The following SLC9B2 variants were observed in gnomAD, a reference collection of about 807,000 sequenced individuals.
The protein encoded by SLC9B2 is solute carrier family 9 member B2.
In SLC9B2, 39 loss-of-function variants were observed where a neutral mutation model predicts 52.2. That is an observed-to-expected ratio of 0.75 (90% CI 0.58 to 0.98). SLC9B2 has a LOEUF of 0.98. Among genes scored for constraint, SLC9B2 ranks in the 50% least tolerant of loss-of-function variants. The probability of loss-of-function intolerance (pLI) is 0.00; values close to 1 mark genes in which losing one functional copy is unlikely to be tolerated. For synonymous variants in SLC9B2, 214 were observed against 227.0 expected (o/e 0.94, Z 0.51); for missense variants, 626 against 637.5 (o/e 0.98, Z 0.19).
chr4:103,032,060 A>G (rs916937930), intron 9 of SLC9B2, among the ~76,000 whole-genome samples: 2 of 152,106 alleles, frequency 1.3e-5, no homozygotes, highest in African/African-American at 4.8e-5. Flanking sequence ...GATTCTTATA[A>G]AGTAATCTTA....
At chr4:103,067,969 T>C (rs532980225) in intron 1 of SLC9B2, among the ~76,000 whole-genome samples, 1 of 152,358 alleles carries the variant, frequency 6.6e-6, no homozygotes, top group East Asian at 1.9e-4. Flanking sequence ...ATATGAGGAA[T>C]GAGTCACTAA....
chr4:103,044,324 G>A (rs1228079163), intron 8 of SLC9B2, among the ~76,000 whole-genome samples: 1 of 152,238 alleles, frequency 6.6e-6, no homozygotes, highest in Non-Finnish European at 1.5e-5. Flanking sequence ...TGATGGAAAT[G>A]TTCTGTATCT....
At chr4:103,054,108 T>A (rs912357385) in intron 4 of SLC9B2, among the ~76,000 whole-genome samples, 1 of 151,930 alleles carries the variant, frequency 6.6e-6, no homozygotes, top group African/African-American at 2.4e-5. Flanking sequence ...TGAGACCCTG[T>A]CTCTGCAAAA....
chr4:103,050,012 C>CAAA (rs368672958), intron 5 of SLC9B2, among the ~76,000 whole-genome samples: 1 of 80,164 alleles, frequency 1.2e-5, no homozygotes, highest in Non-Finnish European at 2.6e-5. Flanking sequence ...GACTCTGTCT[C>CAAA]AAAAAAAAAA....
chr4:103,037,051 G>T (rs1031676390), intron 9 of SLC9B2, among the ~76,000 whole-genome samples: 1 of 152,030 alleles, frequency 6.6e-6, no homozygotes, highest in Non-Finnish European at 1.5e-5. Flanking sequence ...AAATCCCAAA[G>T]ATGTTCTCAT....
intron 7 of SLC9B2, among the ~76,000 whole-genome samples, chr4:103,046,477 C>A (rs1744131240): frequency 6.6e-6 from 1 of 152,084 alleles, no homozygotes; most frequent in South Asian, 2.1e-4. Context: ...AAACAAAATA[C>A]CTCAATTTCA....
At chr4:103,058,154 G>A (rs1033498576) in intron 3 of SLC9B2, among the ~76,000 whole-genome samples, 183 bp from the exon 4 acceptor site, 4 of 152,060 alleles carry the variant, frequency 2.6e-5, no homozygotes, top group African/African-American at 4.8e-5. Flanking sequence ...TTAAGAAATC[G>A]GATATTACCA....
chr4:103,066,957 T>G (rs1194188610), intron 2 of SLC9B2, among the ~76,000 whole-genome samples: 1 of 151,868 alleles, frequency 6.6e-6, no homozygotes, highest in African/African-American at 2.4e-5. Context: ...GGGTTCCATC[T>G]GCAAGATATC....
At chr4:103,046,743 A>G (rs534742144) in intron 7 of SLC9B2, among the ~76,000 whole-genome samples, 1 of 150,946 alleles carries the variant, frequency 6.6e-6, no homozygotes, top group Admixed American at 6.6e-5. Context: ...AAGTCTCCAC[A>G]CATCTTTTGT....
At position 103,076,646 on chromosome 4, in the gene SLC9B2, A is replaced by T. The variant is rs1747203828; in HGVS notation, c.-505T>A. The T allele has an allele frequency of 6.6e-6, 1 of 152,254 alleles. No homozygotes were observed. The highest frequency in any genetic ancestry group is 2.1e-4 in the South Asian group (1 of 4,834). 9.4% of individuals were successfully genotyped at this position (152,254 alleles called of 1,614,324 possible). ...GCACCGCGCGGTCTTTCAGCTGCTTATCCTCCCTGGGCGGGTCCGCAGGCT... is the reference window on the plus strand; with the variant it reads ...GCACCGCGCGGTCTTTCAGCTGCTTTTCCTCCCTGGGCGGGTCCGCAGGCT... On this transcript the variant is annotated 5_prime_UTR_variant, in exon 1 of 12. Coordinates refer to ENST00000394785, the MANE Select transcript of SLC9B2 (RefSeq NM_178833.7).
At chr4:103,021,078 T>C (rs561329202), downstream of SLC9B2, among the ~76,000 whole-genome samples, 25 of 152,330 alleles carry the variant, frequency 1.6e-4, no homozygotes, top group African/African-American at 5.8e-4. Flanking sequence ...AGGAAATGTT[T>C]TGTACTCACA....
At chr4:103,031,407 AG>A (rs139630821) in intron 10 of SLC9B2, among the ~76,000 whole-genome samples, 289 of 152,272 alleles carry the variant, frequency 1.9e-3, no homozygotes, top group African/African-American at 6.7e-3. Context: ...CCTTGGAAAA[AG>A]AATTGTTAAG....
intron 7 of SLC9B2, among the ~76,000 whole-genome samples, chr4:103,046,672 C>T (rs928389664): frequency 1.3e-5 from 2 of 148,564 alleles, no homozygotes; most frequent in African/African-American, 2.5e-5. Context: ...AGTCTCCACA[C>T]ATCTTTTGTG....
chr4:103,042,629 A>G (rs113491133), intron 9 of SLC9B2, among the ~76,000 whole-genome samples: 2 of 151,508 alleles, frequency 1.3e-5, no homozygotes, highest in African/African-American at 4.8e-5. Flanking sequence ...TATCAGCAAA[A>G]TATCTCAAAG....
At position 103,066,484 on chromosome 4, in the gene SLC9B2, T is replaced by A; in HGVS notation, c.114A>T (p.Lys38Asn). ...EAQEETVMKLKGIDANEPTEG... is the reference protein window; with the variant it reads ...EAQEETVMKLNGIDANEPTEG... The stretch of plus-strand genomic sequence containing the variant: ...CTGTTGGTTCATTTGCATCTATACC[T>A]TTGAGCTTCATAACTGTCTCCTCCT... Residue 38 changes from lysine to asparagine, a missense_variant, in exon 3 of 12, where the codon AAA (lysine) becomes AAT (asparagine). By Grantham distance (94) the Lys-to-Asn change is moderately conservative. Transcript: ENST00000394785. The A allele has an allele frequency of 6.2e-7, 1 of 1,613,930 alleles. No individual in the cohort carries two copies. The highest frequency in any genetic ancestry group is 1.3e-5 in the African/African-American group (1 of 75,046).
At chr4:103,070,732 T>C (rs1439286095) in intron 1 of SLC9B2, among the ~76,000 whole-genome samples, 1 of 152,222 alleles carries the variant, frequency 6.6e-6, no homozygotes, top group Admixed American at 6.5e-5. Context: ...TGAGCCACCA[T>C]GCCCGGCCCT....
intron 3 of SLC9B2, among the ~76,000 whole-genome samples, chr4:103,059,870 T>C (rs78009537): frequency 0.013 from 1,957 of 152,304 alleles, 37 homozygotes; most frequent in African/African-American, 0.041. Context: ...TCTGGAATTA[T>C]CTTTATTCTC....
downstream of SLC9B2, among the ~76,000 whole-genome samples, chr4:103,018,706 G>A (rs2110552177): frequency 6.6e-6 from 1 of 152,250 alleles, no homozygotes; most frequent in African/African-American, 2.4e-5. Context: ...AAGAGCTCTT[G>A]TAACACTACT....
At chr4:103,074,656 T>A (rs1269521813) in intron 1 of SLC9B2, among the ~76,000 whole-genome samples, 1 of 152,256 alleles carries the variant, frequency 6.6e-6, no homozygotes, top group Non-Finnish European at 1.5e-5. Flanking sequence ...TGTAAGATTA[T>A]GTATTTCCCC....
Sources: gnomAD v4.1 joint callset for allele counts (sites outside exome capture counted in the v4.1 genomes callset) on GRCh38, gnomAD v4.1.1 for gene constraint, MANE v1.5 for transcripts, NCBI Gene and HGNC (gene_info 2026-07-23, HGNC 2026-07-21) for gene names.